Variants in SCN1A observed in about 807,000 individuals in gnomAD.
SCN1A encodes the protein sodium channel protein type 1 subunit alpha.
A neutral mutation model predicts 193.7 loss-of-function variants in SCN1A; 13 were observed. The ratio of observed to expected loss-of-function variants is 0.07; its 90% confidence interval spans 0.04 to 0.11. The LOEUF is 0.11. SCN1A is among the 10% of genes least tolerant of loss of function. The pLI is 1.00. For missense variants in SCN1A, 1,432 were observed against 2,451.1 expected, an observed-to-expected ratio of 0.58 and a Z score of 8.78; for synonymous variants, 781 against 843.6, an observed-to-expected ratio of 0.93 and a Z score of 1.29.
At chr2:166,090,519 G>A (rs1440194717) in intron 2 of SCN1A, among the ~76,000 whole-genome samples, 1 of 152,214 alleles carries the variant, frequency 6.6e-6, no homozygotes, top group East Asian at 1.9e-4. Flanking sequence ...AAGTGAAAGG[G>A]CAAATAGGAA....
intron 19 of SCN1A, among the ~76,000 whole-genome samples, chr2:166,026,018 T>C (rs1414907553): frequency 6.6e-6 from 1 of 152,256 alleles, no homozygotes; most frequent in South Asian, 2.1e-4. Flanking sequence ...TATTATTAAT[T>C]TCAGGCTTAA....
At chr2:166,073,780 T>A (rs1411830149) in intron 3 of SCN1A, 110 bp from the exon 4 acceptor site, 3 of 851,544 alleles carry the variant, frequency 3.5e-6, no homozygotes, top group Non-Finnish European at 5.3e-6. Context: ...GTTTTCTCCT[T>A]AAATTGAAAG....
At chr2:166,084,721 T>G (rs1455820053) in intron 2 of SCN1A, among the ~76,000 whole-genome samples, 3 of 152,086 alleles carry the variant, frequency 2.0e-5, no homozygotes, top group Non-Finnish European at 4.4e-5. Context: ...AGTGTGCAAA[T>G]CCTTTCAGGA....
chr2:166,041,181 TC>T (rs758557363), intron 16 of SCN1A, 49 bp downstream of exon 16: 16 of 1,342,866 alleles, frequency 1.2e-5, no homozygotes, highest in Non-Finnish European at 1.5e-5. Flanking sequence ...AAACAGTTTT[TC>T]AAGCAGAAAA....
At chr2:166,082,121 A>G (rs1340012016) in intron 2 of SCN1A, among the ~76,000 whole-genome samples, 1 of 152,064 alleles carries the variant, frequency 6.6e-6, no homozygotes, top group African/African-American at 2.4e-5. Context: ...AGAATTAGAC[A>G]AAGATAAGTA....
At chr2:166,101,077 T>G (rs1212066302) in intron 2 of SCN1A, among the ~76,000 whole-genome samples, 1 of 113,278 alleles carries the variant, frequency 8.8e-6, no homozygotes, top group South Asian at 3.7e-4. Flanking sequence ...TATTGCGGCA[T>G]TATTCACAAT....
rs1385298663 is a variant in SCN1A at position 165,986,100 on chromosome 2, ACCAATGAC to A, written c.*5137_*5144del. ...CCACTTGGCTAAATAAAATATTAAA[ACCAATGAC>A]CCATTATCACGTATTCTCACCATCA... On this transcript the variant is annotated 3_prime_UTR_variant, in exon 29 of 29. Transcript: ENST00000674923. 2 of 152,116 alleles carry A rather than the reference ACCAATGAC, an allele frequency of 1.3e-5. No individual in the cohort carries two copies. Among genetic ancestry groups the A allele is most frequent in the Non-Finnish European group, 2.9e-5 (2 of 68,016 alleles). 9.4% of individuals were successfully genotyped at this position (152,116 alleles called of 1,614,324 possible).
chr2:166,053,070 C>G (rs1318134465), intron 7 of SCN1A, 127 bp from the exon 8 acceptor site: 2 of 1,404,706 alleles, frequency 1.4e-6, no homozygotes, highest in Non-Finnish European at 2.0e-6. Flanking sequence ...TCAAAGCTCT[C>G]AAGACTCTGA....
chr2:166,076,828 C>T (rs944067785), intron 3 of SCN1A, among the ~76,000 whole-genome samples: 3 of 82,742 alleles, frequency 3.6e-5, no homozygotes, highest in Non-Finnish European at 6.8e-5. Flanking sequence ...AATAACTAGA[C>T]ATCCAAATGC....
intron 27 of SCN1A, among the ~76,000 whole-genome samples, chr2:165,995,038 T>C (rs1332871639): frequency 6.6e-6 from 1 of 151,894 alleles, no homozygotes; most frequent in Non-Finnish European, 1.5e-5. Flanking sequence ...TATATGTTTA[T>C]GTCAAAAAAA....
At chr2:166,012,782 T>C (rs1045675642) in intron 21 of SCN1A, among the ~76,000 whole-genome samples, 1 of 146,654 alleles carries the variant, frequency 6.8e-6, no homozygotes, top group African/African-American at 2.4e-5. Context: ...TTTAATAATT[T>C]ATGTTTCTCA....
chr2:166,079,870 A>G (rs1355327032), intron 2 of SCN1A, among the ~76,000 whole-genome samples: 1 of 151,550 alleles, frequency 6.6e-6, no homozygotes, highest in African/African-American at 2.4e-5. Context: ...ATGAAATCAT[A>G]CTGATACTAG....
At chr2:166,135,148 T>G (rs777033467) in intron 1 of SCN1A, among the ~76,000 whole-genome samples, 5 of 152,134 alleles carry the variant, frequency 3.3e-5, no homozygotes, top group Admixed American at 6.6e-5. Context: ...CAAAAGCTAT[T>G]ACCAAGAACA....
At chr2:166,016,072 GAA>G in intron 19 of SCN1A, 2 of 280,412 alleles carry the variant, frequency 7.1e-6, no homozygotes, top group Non-Finnish European at 1.4e-5. Context: ...GAGCAGGAGA[GAA>G]AGAGAAAGCT....
At chr2:166,016,018 A>C (rs1693250858) in intron 19 of SCN1A, 1 of 354,986 alleles carries the variant, frequency 2.8e-6, no homozygotes, top group Non-Finnish European at 5.3e-6. Flanking sequence ...TTAGAGAAGC[A>C]GGGGACACAG....
At chr2:166,046,622 C>T (rs1404422618) in intron 12 of SCN1A, 148 bp downstream of exon 12, 5 of 724,168 alleles carry the variant, frequency 6.9e-6, no homozygotes, top group Non-Finnish European at 1.1e-5. Context: ...AATAATTAAA[C>T]TAAATAAAAG....
chr2:166,053,268 A>G (rs1435962414), intron 7 of SCN1A: 1 of 601,730 alleles, frequency 1.7e-6, no homozygotes, highest in East Asian at 2.8e-5. Context: ...TCCATCATTA[A>G]TCTTTGTTCA....
intron 2 of SCN1A, among the ~76,000 whole-genome samples, chr2:166,097,633 G>A (rs548613749): frequency 1.6e-4 from 24 of 152,252 alleles, no homozygotes; most frequent in South Asian, 2.1e-4. Flanking sequence ...CCAGGCTGGC[G>A]TGCAGTGGCA....
At chr2:166,009,453 TAGA>T in intron 23 of SCN1A, 1 of 247,252 alleles carries the variant, frequency 4.0e-6, no homozygotes, top group Non-Finnish European at 8.0e-6. Flanking sequence ...TTTTTGTATA[TAGA>T]TTTGTAAGGA....
Sources: allele counts gnomAD v4.1 joint callset (sites outside exome capture counted in the v4.1 genomes callset), GRCh38; gene constraint gnomAD v4.1.1; transcripts MANE v1.5; gene names NCBI Gene and HGNC (gene_info 2026-07-23, HGNC 2026-07-21).